CWF19L2: variants seen among roughly 807,000 people sequenced by gnomAD.
CWF19L2 encodes CWF19 like cell cycle control factor 2.
A neutral mutation model predicts 111.7 loss-of-function variants in CWF19L2; 98 were observed. That is an observed-to-expected ratio of 0.88 (90% CI 0.75 to 1.04). The LOEUF is 1.04. Among genes scored for constraint, CWF19L2 ranks in the 50% least tolerant of loss-of-function variants. The pLI is 0.00. For missense variants in CWF19L2, 1,101 were observed against 1,051.4 expected (o/e 1.05, Z -0.65); for synonymous variants, 351 against 342.9 (o/e 1.02, Z -0.26).
At chr11:107,443,604 A>G (rs1044238839) in intron 3 of CWF19L2, among the ~76,000 whole-genome samples, 2 of 152,122 alleles carry the variant, frequency 1.3e-5, no homozygotes, top group Non-Finnish European at 2.9e-5. Context: ...AGGCAAAAAA[A>G]CAAAAATGGG....
At chr11:107,447,279 A>T (rs959048516) in intron 3 of CWF19L2, among the ~76,000 whole-genome samples, 1 of 152,222 alleles carries the variant, frequency 6.6e-6, no homozygotes, top group African/African-American at 2.4e-5. Flanking sequence ...AGGCTGAAAC[A>T]AAAGTACAGA....
intron 12 of CWF19L2, among the ~76,000 whole-genome samples, chr11:107,378,121 G>A (rs57736894): frequency 1.3e-5 from 2 of 149,750 alleles, no homozygotes; most frequent in Non-Finnish European, 1.5e-5. Context: ...GAAACAACAG[G>A]TGCTGGAGAG....
At chr11:107,397,341 A>C (rs2135381314) in intron 10 of CWF19L2, among the ~76,000 whole-genome samples, 1 of 152,224 alleles carries the variant, frequency 6.6e-6, no homozygotes, top group South Asian at 2.1e-4. Context: ...AGTGAGAGTG[A>C]GACTGGCCCT....
chr11:107,415,909 C>A (rs10160611), intron 10 of CWF19L2, among the ~76,000 whole-genome samples: 3,256 of 151,904 alleles, frequency 0.021, 115 homozygotes, highest in African/African-American at 0.074. Flanking sequence ...ACCAGCCTGG[C>A]CAACATGGTG....
chr11:107,412,355 T>C (rs1861168995), intron 10 of CWF19L2, among the ~76,000 whole-genome samples: 1 of 152,202 alleles, frequency 6.6e-6, no homozygotes, highest in Non-Finnish European at 1.5e-5. Context: ...TTTTTTTGTT[T>C]TTTGAGATGG....
At chr11:107,369,419 C>A (rs1293558803) in intron 12 of CWF19L2, among the ~76,000 whole-genome samples, 1 of 137,136 alleles carries the variant, frequency 7.3e-6, no homozygotes, top group Non-Finnish European at 1.6e-5. Flanking sequence ...AGGCTACAAT[C>A]CATAAACATT....
intron 10 of CWF19L2, chr11:107,404,544 C>A: frequency 5.9e-6 from 4 of 681,000 alleles, no homozygotes; most frequent in Non-Finnish European, 1.1e-5. Context: ...ATTTGTGTTG[C>A]AGGAGCTGGG....
Position 107,336,606 on chromosome 11 carries a change from AC to A in CWF19L2, c.2309del (p.Cys770LeufsTer20), listed in dbSNP as rs1184742587. ...MKKQYHMVYE[C>X]IPLPKEVGDM... ...CACCCACTTCCTTGGGAAGAGGAAT[AC>A]ATTCATAAACCATGTGATACTGTTT... On this transcript the variant is annotated frameshift_variant, in exon 15 of 18. Transcript: ENST00000282251. LOFTEE classifies it high-confidence loss of function. 1 of 1,608,524 alleles carries A rather than the reference AC, an allele frequency of 6.2e-7. No homozygotes were observed. The highest frequency in any genetic ancestry group is 1.7e-5 in the Admixed American group (1 of 59,122).
intron 10 of CWF19L2, chr11:107,403,861 T>C: frequency 1.3e-6 from 1 of 797,844 alleles, no homozygotes; most frequent in Non-Finnish European, 2.2e-6. Flanking sequence ...TTTCTAGGAA[T>C]TTCCTCTTCT....
chr11:107,456,493 C>T (rs987000097), intron 1 of CWF19L2, among the ~76,000 whole-genome samples: 3 of 151,766 alleles, frequency 2.0e-5, no homozygotes, highest in Admixed American at 6.6e-5. Context: ...GTTGAAATTA[C>T]GAAACAATAC....
chr11:107,336,062 A>C (rs1177938092), intron 15 of CWF19L2, among the ~76,000 whole-genome samples: 1 of 152,116 alleles, frequency 6.6e-6, no homozygotes, highest in East Asian at 1.9e-4. Context: ...TCTACTAAAA[A>C]TACAAAAAAT....
intron 8 of CWF19L2, among the ~76,000 whole-genome samples, chr11:107,419,972 T>C (rs1434676173): frequency 1.3e-5 from 2 of 151,836 alleles, no homozygotes; most frequent in African/African-American, 2.4e-5. Flanking sequence ...AGCATATCAC[T>C]TGAAGATAGA....
At chr11:107,349,249 A>C (rs1860124918) in intron 13 of CWF19L2, among the ~76,000 whole-genome samples, 196 bp from the exon 14 acceptor site, 1 of 152,224 alleles carries the variant, frequency 6.6e-6, no homozygotes, top group South Asian at 2.1e-4. Flanking sequence ...TTTTAAAGGC[A>C]TCAGGATAGC....
Position 107,392,816 on chromosome 11 carries a change from G to A in CWF19L2, c.1697C>T (p.Ser566Phe). ...TCTTCTTCCTCCTTGTGATTCCAGA[G>A]ATTTTCCGGGTGTGTTCACAGGCCA... ...RVWPVNTPGK[S>F]LESQGGRRKR... is the part of the protein sequence containing the mutation. Residue 566 changes from serine (S) to phenylalanine (F), a missense_variant, in exon 11 of 18, where the codon TCT becomes TTT. By Grantham distance (155) the Ser-to-Phe change is radical. Transcript: ENST00000282251. 2 of 1,595,524 alleles carry A rather than the reference G, an allele frequency of 1.3e-6. No individual in the cohort carries two copies. Among genetic ancestry groups the A allele is most frequent in the South Asian group, 1.1e-5 (1 of 88,402 alleles).
At chr11:107,408,660 C>T (rs1861115324) in intron 10 of CWF19L2, among the ~76,000 whole-genome samples, 1 of 151,728 alleles carries the variant, frequency 6.6e-6, no homozygotes, top group South Asian at 2.1e-4. Context: ...ACAGAAATGA[C>T]AGATACTTTA....
chr11:107,448,343 C>CAAAAAAA (rs61259014), intron 3 of CWF19L2, among the ~76,000 whole-genome samples: 5 of 54,890 alleles, frequency 9.1e-5, no homozygotes, highest in East Asian at 5.4e-4. Flanking sequence ...GACTCCGTCA[C>CAAAAAAA]AAAAAAAAAA....
chr11:107,400,778 A>G (rs1267700741), intron 10 of CWF19L2, among the ~76,000 whole-genome samples: 1 of 152,160 alleles, frequency 6.6e-6, no homozygotes, highest in African/African-American at 2.4e-5. Flanking sequence ...AAAACTACAG[A>G]CTGATATCCT....
chr11:107,365,626 G>C (rs143404552), intron 12 of CWF19L2, among the ~76,000 whole-genome samples: 13,595 of 67,102 alleles, frequency 0.2, 1,267 homozygotes, highest in Middle Eastern at 0.36. Flanking sequence ...ATTCAACAAC[G>C]CTTCATGCTA....
At chr11:107,447,505 TAAAGAA>T (rs1306046050) in intron 3 of CWF19L2, among the ~76,000 whole-genome samples, 6 of 152,074 alleles carry the variant, frequency 3.9e-5, no homozygotes, top group African/African-American at 7.3e-5. Context: ...CCAACCAGAA[TAAAGAA>T]ACCTCGCTGA....
Sources: allele counts gnomAD v4.1 joint callset (sites outside exome capture counted in the v4.1 genomes callset), GRCh38; gene constraint gnomAD v4.1.1; transcripts MANE v1.5; gene names NCBI Gene and HGNC (gene_info 2026-07-23, HGNC 2026-07-21).